Variants in ALDH3B1 observed in about 807,000 individuals in gnomAD.
ALDH3B1 encodes aldehyde dehydrogenase family 3 member B1.
Under a neutral mutation model 46.2 loss-of-function variants are expected in ALDH3B1, and 37 were observed. The observed-to-expected ratio is 0.80, with a 90% confidence interval of 0.62 to 1.05. ALDH3B1 has a LOEUF of 1.05. Ranked by LOEUF, ALDH3B1 falls within the 50% of genes least tolerant of loss-of-function variation. The pLI, the probability that ALDH3B1 is intolerant of heterozygous loss-of-function variation, is 0.00. For missense variants in ALDH3B1, 603 were observed against 665.5 expected, an observed-to-expected ratio of 0.91 and a Z score of 1.03; for synonymous variants, 283 against 281.0, an observed-to-expected ratio of 1.01 and a Z score of -0.07.
intron 1 of ALDH3B1, among the ~76,000 whole-genome samples, chr11:68,013,836 G>T (rs1857283668): frequency 6.6e-6 from 1 of 152,210 alleles, no homozygotes; most frequent in Non-Finnish European, 1.5e-5. Flanking sequence ...GGGGACCATG[G>T]TGCCTGTCCT....
chr11:68,020,785 G>C (rs1031487103), intron 6 of ALDH3B1, among the ~76,000 whole-genome samples: 58 of 152,352 alleles, frequency 3.8e-4, no homozygotes, highest in Admixed American at 1.7e-3. Context: ...TTGACCACAA[G>C]GGGGAGAAAT....
chr11:68,023,040 T>C (rs1368879062), intron 8 of ALDH3B1, among the ~76,000 whole-genome samples: 1 of 152,146 alleles, frequency 6.6e-6, no homozygotes, highest in Admixed American at 6.5e-5. Context: ...CCTGCCTTTG[T>C]CCTTCTTACA....
rs551916363 is a variant in ALDH3B1, at chr11:68,020,273, G to T, written c.562+477G>T. Among the ~76,000 whole-genome samples the T allele has an allele frequency of 2.0e-5, 3 of 151,956 alleles. No homozygotes were observed. In the South Asian group the frequency reaches 6.2e-4, roughly 32 times the overall value. On this transcript the variant is annotated intron_variant, in intron 6 of 9. Coordinates refer to ENST00000342456, the MANE Select transcript of ALDH3B1 (RefSeq NM_000694.4). ...AGACAGAGTCTTGCTCTGTCACCCA[G>T]GCAGTGGCACAATCTTGGCACAATC...
chr11:68,022,700 T>C lies in ALDH3B1; in HGVS notation c.1055T>C (p.Ile352Thr). The change falls in exon 8 of 10, where the codon ATC (isoleucine) becomes ACC (threonine). Residue 352 changes from isoleucine to threonine, a missense_variant. Ile to Thr is a moderately conservative substitution (Grantham distance 89). Coordinates refer to ENST00000342456, the MANE Select transcript of ALDH3B1 (RefSeq NM_000694.4). ...AACGTGCAGAGCTTGGACGAGGCCA[T>C]CGAGTTCATCAACCGGCGGGAGAAG... Reference protein sequence around the residue: ...IVNVQSLDEAIEFINRREKPL... With the variant: ...IVNVQSLDEATEFINRREKPL... 2 of 1,614,150 alleles carry C rather than the reference T, an allele frequency of 1.2e-6. No individual in the cohort carries two copies. The highest frequency in any genetic ancestry group is 1.1e-5 in the South Asian group (1 of 91,084).
chr11:68,015,787 C>T (rs370356116), intron 2 of ALDH3B1: 167 of 433,618 alleles, frequency 3.9e-4, no homozygotes, highest in African/African-American at 3.0e-3. Flanking sequence ...ACAGCAAGGC[C>T]GGGCATGGTG....
intron 1 of ALDH3B1, among the ~76,000 whole-genome samples, chr11:68,010,958 A>G (rs1233556002): frequency 1.3e-5 from 2 of 152,158 alleles, no homozygotes; most frequent in African/African-American, 4.8e-5. Flanking sequence ...ACTGTGCCCC[A>G]TCAGGGAGCC....
At chr11:68,021,363 C>T in intron 6 of ALDH3B1, 122 bp from the exon 7 acceptor site, 1 of 1,429,764 alleles carries the variant, frequency 7.0e-7, no homozygotes, top group Non-Finnish European at 9.4e-7. Context: ...CAAGGAAAGG[C>T]CAGGCGAGGG....
At chr11:68,024,417 T>C (rs1857576773) in intron 8 of ALDH3B1, 1 of 152,290 alleles carries the variant, frequency 6.6e-6, no homozygotes, top group Non-Finnish European at 1.5e-5. Context: ...AATTAAGCTG[T>C]ATGCTGCTCT....
chr11:68,022,153 A>G (rs985967316), intron 7 of ALDH3B1, among the ~76,000 whole-genome samples: 2 of 152,140 alleles, frequency 1.3e-5, no homozygotes, highest in Non-Finnish European at 2.9e-5. Flanking sequence ...ACCACTGGCT[A>G]TCCTGAAAGG....
At chr11:68,023,274 A>G (rs1268866251) in intron 8 of ALDH3B1, among the ~76,000 whole-genome samples, 1 of 134,354 alleles carries the variant, frequency 7.4e-6, no homozygotes, top group African/African-American at 2.8e-5. Context: ...CCCGGCCCTC[A>G]GCCAGTTCCT....
Position 68,022,606 on chromosome 11 carries a change from CT to C in ALDH3B1, c.962del (p.Leu321ArgfsTer10), listed in dbSNP as rs1252098593. 5 of 1,613,746 alleles carry C rather than the reference CT, an allele frequency of 3.1e-6. No individual in the cohort carries two copies. The highest frequency in any genetic ancestry group is 4.2e-6 in the Non-Finnish European group (5 of 1,179,992). On this transcript the variant is annotated frameshift_variant, in exon 8 of 10. Coordinates refer to ENST00000342456, the MANE Select transcript of ALDH3B1 (RefSeq NM_000694.4). LOFTEE classifies it high-confidence loss of function. ...TCTGGTGCCTGCAGCCCCCACGGTG[CT>C]GGTGGATGTGCAGGAGATGGAGCCT... ...ESDRYIAPTV[L>X]VDVQEMEPVM...
rs1857507163 is a variant in ALDH3B1 at position 68,021,830 on chromosome 11, T to A, written c.908T>A (p.Val303Glu). 1 of 1,613,648 alleles carries A rather than the reference T, an allele frequency of 6.2e-7. No individual in the cohort carries two copies. The highest frequency in any genetic ancestry group is 8.5e-7 in the Non-Finnish European group (1 of 1,179,796). The part of the protein sequence containing the change: ...RLRALLGCGR[V>E]AIGGQSDESD... ...CGGGCATTGCTGGGCTGCGGCCGTG[T>A]GGCCATTGGGGGCCAGAGCGATGAG... The change falls in exon 7 of 10, where the codon GTG becomes GAG. Residue 303 changes from valine (V) to glutamate (E), a missense_variant. Coordinates refer to ENST00000342456, the MANE Select transcript of ALDH3B1 (RefSeq NM_000694.4).
rs779410415 is a variant in ALDH3B1, at chr11:68,022,657, C to G, written c.1012C>G (p.Pro338Ala). 3 of 1,614,122 alleles carry G rather than the reference C, an allele frequency of 1.9e-6. No individual in the cohort carries two copies. The highest frequency in any genetic ancestry group is 2.5e-6 in the Non-Finnish European group (3 of 1,180,014). Residue 338 changes from proline to alanine, a missense_variant, in exon 8 of 10, where the codon CCC becomes GCC. Physicochemically the swap from Pro to Ala is conservative, Grantham distance 27. Coordinates refer to ENST00000342456, the MANE Select transcript of ALDH3B1 (RefSeq NM_000694.4). ...TGTGATGCAGGAGGAGATCTTCGGG[C>G]CCATCCTGCCCATCGTGAACGTGCA... ...EPVMQEEIFGPILPIVNVQSL... is the reference protein window; with the variant it reads ...EPVMQEEIFGAILPIVNVQSL...
intron 7 of ALDH3B1, 43 bp from the exon 8 acceptor site, chr11:68,022,551 TC>T: frequency 6.2e-7 from 1 of 1,604,842 alleles, no homozygotes. Flanking sequence ...CTGGGGGCGG[TC>T]CTGACTGTGG....
In ALDH3B1 at chr11:68,019,716, G is replaced by A. The variant is rs775078460; in HGVS notation, c.482G>A (p.Ser161Asn). The part of the protein sequence containing the change: ...AEVLPQYVDQ[S>N]CFAVVLGGPQ... ...AGCCTCACCCATCCCGCCTTGCAGA[G>A]CTGCTTTGCTGTGGTGCTGGGCGGG... The change falls in exon 6 of 10, where the codon AGC (serine) becomes AAC (asparagine). Residue 161 changes from serine to asparagine, a missense_variant and splice_region_variant. By Grantham distance (46) the Ser-to-Asn change is conservative (BLOSUM62 1). Coordinates refer to ENST00000342456, the MANE Select transcript of ALDH3B1 (RefSeq NM_000694.4). 6.2e-7 allele frequency: 1 copy of A among 1,614,028 alleles called. No homozygotes were observed. Among genetic ancestry groups the A allele is most frequent in the Non-Finnish European group, 8.5e-7 (1 of 1,179,904 alleles).
At chr11:68,021,971 T>C in intron 7 of ALDH3B1, 100 bp downstream of exon 7, 1 of 1,505,040 alleles carries the variant, frequency 6.6e-7, no homozygotes, top group Non-Finnish European at 8.9e-7. Flanking sequence ...GCCTGAAACC[T>C]GGCCCCACTG....
At chr11:68,024,145 A>C (rs575789143) in intron 8 of ALDH3B1, 17 of 152,344 alleles carry the variant, frequency 1.1e-4, no homozygotes, top group African/African-American at 3.1e-4. Flanking sequence ...CTCCTGTAGA[A>C]CATCCCCAGC....
chr11:68,016,707 C>T (rs1472207162), intron 2 of ALDH3B1: 2 of 152,542 alleles, frequency 1.3e-5, no homozygotes, highest in Admixed American at 1.3e-4. Flanking sequence ...CAAAATATCT[C>T]CTCCCTTTGC....
intron 1 of ALDH3B1, among the ~76,000 whole-genome samples, chr11:68,011,408 G>T (rs1244135589): frequency 6.6e-6 from 1 of 152,188 alleles, no homozygotes; most frequent in African/African-American, 2.4e-5. Flanking sequence ...GGAGAAACTG[G>T]TCTGTGGTTT....
Sources: allele counts gnomAD v4.1 joint callset (sites outside exome capture counted in the v4.1 genomes callset), GRCh38; gene constraint gnomAD v4.1.1; transcripts MANE v1.5; gene names NCBI Gene and HGNC (gene_info 2026-07-23, HGNC 2026-07-21).